Variants in POLE observed in about 807,000 individuals in gnomAD.
POLE encodes the protein DNA polymerase epsilon, catalytic subunit.
A neutral mutation model predicts 279.2 loss-of-function variants in POLE; 188 were observed. That is an observed-to-expected ratio of 0.67 (90% CI 0.60 to 0.76). POLE has a LOEUF of 0.76. Ranked by LOEUF, POLE falls within the 30% of genes least tolerant of loss-of-function variation. The pLI is 0.00. For missense variants in POLE, 2,703 were observed against 3,016.7 expected, an observed-to-expected ratio of 0.90 and a Z score of 2.44; for synonymous variants, 1,214 against 1,172.5, an observed-to-expected ratio of 1.04 and a Z score of -0.72.
In POLE at chr12:132,638,325, G is replaced by A. The variant is rs2042075431; in HGVS notation, c.5553-186C>T. The A allele has an allele frequency of 2.1e-5, 9 of 419,396 alleles. No individual in the cohort carries two copies. The Admixed American group carries it at 3.0e-4, about 14-fold the overall frequency. 26.0% of individuals were successfully genotyped at this position (419,396 alleles called of 1,614,324 possible). On this transcript the variant is annotated intron_variant, in intron 40 of 48. Transcript: ENST00000320574. ...ATGGCAAAAATCCACCACAAACAAA[G>A]GCAAAAGATAACCAAAAACAGGAAA...
intron 16 of POLE, among the ~76,000 whole-genome samples, chr12:132,669,869 T>G (rs546499116): frequency 1.3e-5 from 2 of 152,300 alleles, no homozygotes; most frequent in East Asian, 3.9e-4. Flanking sequence ...ATCCTGGGCT[T>G]CCCTTTCAAG....
chr12:132,671,332 C>G (rs1031390337), intron 16 of POLE, among the ~76,000 whole-genome samples: 5 of 146,952 alleles, frequency 3.4e-5, no homozygotes, highest in African/African-American at 7.7e-5. Flanking sequence ...TCTAAACCAG[C>G]AACCTCACTG....
chr12:132,643,364 T>C (rs1294959757), intron 34 of POLE, 34 bp from the exon 35 acceptor site: 4 of 1,614,122 alleles, frequency 2.5e-6, no homozygotes, highest in Middle Eastern at 1.6e-4. Context: ...ACCCCAGATG[T>C]GTGGGAGGCA....
Position 132,624,666 on chromosome 12 carries a change from G to A in POLE, c.*31C>T, listed in dbSNP as rs560094297. ...GCCTTGGCATCAGGAGGCCTGGCACGGACGCAGAGGCACCCGGGGCCCGGG... is the reference window on the plus strand; with the variant it reads ...GCCTTGGCATCAGGAGGCCTGGCACAGACGCAGAGGCACCCGGGGCCCGGG... On this transcript the variant is annotated 3_prime_UTR_variant, in exon 49 of 49. Transcript: ENST00000320574. 2.2e-5 allele frequency: 29 copies of A among 1,289,924 alleles called. 1 individual carries two copies. Among genetic ancestry groups the A allele is most frequent in the Admixed American group, 1.3e-4 (8 of 59,646 alleles). The allele number at this position is 1,289,924 out of a possible 1,614,324, so 79.9% of individuals were successfully genotyped here. A position where few individuals can be genotyped will look rare whatever the true frequency, so the allele number is the denominator to read the frequency against.
chr12:132,681,366 C>T (rs956241210), intron 1 of POLE, 87 bp from the exon 2 acceptor site: 132 of 1,416,134 alleles, frequency 9.3e-5, no homozygotes, highest in Middle Eastern at 2.4e-4. Context: ...TTTTTTGAGA[C>T]GGAGTCTTGC....
At position 132,677,418 on chromosome 12, in the gene POLE, C is replaced by A; in HGVS notation, c.746G>T (p.Arg249Leu). 1 of 1,614,006 alleles carries A rather than the reference C, an allele frequency of 6.2e-7. No homozygotes were observed. ...GATTTCTACCGGAAAAGCATTTCCT[C>A]GGTATCTGACATTGTACCAATGAGC... ...HVAHWYNVRY[R>L]GNAFPVEITR... is the part of the protein sequence containing the mutation. Residue 249 changes from arginine (R) to leucine (L), a missense_variant, in exon 8 of 49, where the codon CGA (arginine) becomes CTA (leucine). Coordinates refer to ENST00000320574, the MANE Select transcript of POLE (RefSeq NM_006231.4).
At chr12:132,658,150 A>ACATG (rs1282777554) in intron 26 of POLE, 180 bp from the exon 27 acceptor site, 20 of 492,322 alleles carry the variant, frequency 4.1e-5, no homozygotes, top group Non-Finnish European at 6.7e-5. Context: ...GGGGAGTAAC[A>ACATG]CGTGCGTATG....
Position 132,661,319 on chromosome 12 carries a change from T to A in POLE, c.2865-155A>T, listed in dbSNP as rs377096367. 6.6e-5 allele frequency among the ~76,000 whole-genome samples: 10 copies of A among 152,134 alleles called. No homozygotes were observed. The highest frequency in any genetic ancestry group is 1.9e-4 in the African/African-American group (8 of 41,416). ...TCTCTCTCCCTTAGGCCACTGCTTC[T>A]CTAAAAGGAAAATGGCTGAAGGGCC... On this transcript the variant is annotated intron_variant, in intron 24 of 48. Coordinates refer to ENST00000320574, the MANE Select transcript of POLE (RefSeq NM_006231.4). This position sits in a 1 kb window ranked among gnomAD's most constrained non-coding sequence, Gnocchi z 4.1.
intron 32 of POLE, among the ~76,000 whole-genome samples, chr12:132,648,021 C>T (rs1029076574): frequency 2.6e-5 from 4 of 152,190 alleles, no homozygotes; most frequent in Non-Finnish European, 5.9e-5. Context: ...TCCCCAACTA[C>T]GTGTCACTTC....
In POLE at chr12:132,687,306, TCA is replaced by T; in HGVS notation, c.8_9del (p.Leu3GlnfsTer20). The T allele has an allele frequency of 6.7e-7, 1 of 1,503,744 alleles. No individual in the cohort carries two copies. Among genetic ancestry groups the T allele is most frequent in the Non-Finnish European group, 8.9e-7 (1 of 1,126,462 alleles). The allele number at this position is 1,503,744 out of a possible 1,614,324, so 93.2% of individuals were successfully genotyped here. On this transcript the variant is annotated frameshift_variant, in exon 1 of 49. Transcript: ENST00000320574. LOFTEE classifies it high-confidence loss of function. MS[L>X]RSGGRRRADP... The stretch of plus-strand genomic sequence containing the variant: ...TCCGCGCGCCGCCGCCCGCCGCTCC[TCA>T]GAGACATGGAGCCGTTGGCTACCAC...
At chr12:132,665,164 G>C (rs1282114826) in intron 21 of POLE, 138 bp downstream of exon 21, 1 of 954,106 alleles carries the variant, frequency 1.0e-6, no homozygotes, top group East Asian at 2.5e-5. Context: ...CCCCACCCCA[G>C]CCCAAAGCCT....
Position 132,642,502 on chromosome 12 carries a change from T to C in POLE, c.4952+4A>G, listed in dbSNP as rs962068207. 9 of 1,613,230 alleles carry C rather than the reference T, an allele frequency of 5.6e-6. No homozygotes were observed. The Admixed American group carries it at 8.3e-5, about 15-fold the overall frequency. On this transcript the variant is annotated splice_donor_region_variant and intron_variant, in intron 37 of 48. Coordinates refer to ENST00000320574, the MANE Select transcript of POLE (RefSeq NM_006231.4). ...CTGGCCCACAACGACAGTACTGTGC[T>C]CACCTGCTCATCTCGAAGGCCTGCG... is the stretch of plus-strand genomic sequence containing the variant.
In POLE at chr12:132,665,289, C is replaced by T. The variant is rs773637880; in HGVS notation, c.2468+13G>A. 1.4e-5 allele frequency: 22 copies of T among 1,610,546 alleles called. No individual in the cohort carries two copies. Among genetic ancestry groups the T allele is most frequent in the South Asian group, 3.3e-5 (3 of 91,002 alleles). Reference sequence around the variant, plus strand: ...TCCTCCCATAAGCCTCTCCCGGGCCCGGGCCCACCTACCCCTTGCGCATGA... The same window carrying T: ...TCCTCCCATAAGCCTCTCCCGGGCCTGGGCCCACCTACCCCTTGCGCATGA... On this transcript the variant is annotated intron_variant, in intron 21 of 48. Transcript: ENST00000320574.
intron 13 of POLE, 53 bp downstream of exon 13, chr12:132,673,522 C>T (rs2135998529): frequency 1.3e-6 from 2 of 1,579,698 alleles, no homozygotes; most frequent in Non-Finnish European, 1.7e-6. Flanking sequence ...GCTCCGTGGC[C>T]ATCTGGATGC....
At chr12:132,678,706 C>T (rs983124332) in intron 6 of POLE, among the ~76,000 whole-genome samples, 1 of 152,238 alleles carries the variant, frequency 6.6e-6, no homozygotes, top group Non-Finnish European at 1.5e-5. Flanking sequence ...GAAGAGCAGG[C>T]CTGGGCTTCA....
chr12:132,631,532 C>T (rs1041942718), intron 45 of POLE, among the ~76,000 whole-genome samples: 2 of 152,196 alleles, frequency 1.3e-5, no homozygotes, highest in Non-Finnish European at 1.5e-5. Context: ...CACCTGATCT[C>T]CAGCGTAACC....
chr12:132,640,992 ACAAAGACTTGTTTTTGAG>A (rs759055936), intron 39 of POLE: 1 of 456,712 alleles, frequency 2.2e-6, no homozygotes, highest in South Asian at 1.5e-5. Context: ...CTCTGGAATT[ACAAAGACTTGTTTTTGAG>A]CACCTACCCT....
intron 46 of POLE, 38 bp from the exon 47 acceptor site, chr12:132,625,808 C>A: frequency 6.3e-7 from 1 of 1,598,294 alleles, no homozygotes; most frequent in African/African-American, 1.3e-5. Flanking sequence ...ACCAGCCCAG[C>A]CTCCAGACCA....
intron 12 of POLE, among the ~76,000 whole-genome samples, chr12:132,674,641 C>T (rs2043002217): frequency 6.6e-6 from 1 of 152,136 alleles, no homozygotes; most frequent in African/African-American, 2.4e-5. Context: ...ACAACCCTCA[C>T]TCCCTGCCTT....
Sources: gnomAD v4.1 joint callset for allele counts (sites outside exome capture counted in the v4.1 genomes callset) on GRCh38, gnomAD v4.1.1 for gene constraint, Gnocchi (gnomAD v3.1) non-coding constraint, MANE v1.5 for transcripts, NCBI Gene and HGNC (gene_info 2026-07-23, HGNC 2026-07-21) for gene names.